The following HIVEP3 variants were observed in gnomAD, a reference collection of about 807,000 sequenced individuals.
HIVEP3 encodes transcription factor HIVEP3.
In HIVEP3, 49 loss-of-function variants were observed where a neutral mutation model predicts 152.8. That is an observed-to-expected ratio of 0.32 (90% CI 0.26 to 0.41). The LOEUF is 0.41. HIVEP3 is among the 10% of genes least tolerant of loss of function. The pLI is 1.00. For missense variants in HIVEP3, 2,790 were observed against 3,103.3 expected (o/e 0.90, Z 2.40); for synonymous variants, 1,269 against 1,289.0 (o/e 0.98, Z 0.33).
intron 1 of HIVEP3, among the ~76,000 whole-genome samples, chr1:41,949,626 T>G (rs973851003): frequency 2.0e-5 from 3 of 152,090 alleles, no homozygotes; most frequent in African/African-American, 7.2e-5. Flanking sequence ...CCCTGGGGCC[T>G]CCTCAGCCAA....
Position 41,565,293 on chromosome 1 carries a change from G to A in HIVEP3, c.5207+10251C>T, listed in dbSNP as rs1644143227. 2.0e-5 allele frequency among the ~76,000 whole-genome samples: 3 copies of A among 151,936 alleles called. No individual in the cohort carries two copies. In the South Asian group the frequency reaches 6.2e-4, roughly 32 times the overall value. On this transcript the variant is annotated intron_variant, in intron 5 of 8. Transcript: ENST00000372583. Reference sequence around the variant, plus strand: ...CTGCAGATAATGCTGAAGCTGAGAAGCCAAGTCATGGGCAACCCAAGCACA... The same window carrying A: ...CTGCAGATAATGCTGAAGCTGAGAAACCAAGTCATGGGCAACCCAAGCACA...
At chr1:41,996,397 A>AAG (rs1288415774) in intron 1 of HIVEP3, among the ~76,000 whole-genome samples, 1 of 151,576 alleles carries the variant, frequency 6.6e-6, no homozygotes, top group African/African-American at 2.4e-5. Flanking sequence ...CTCAAAAAAA[A>AAG]AAAAAGAGAG....
At chr1:41,592,917 C>T (rs1357680556) in intron 3 of HIVEP3, among the ~76,000 whole-genome samples, 1 of 152,206 alleles carries the variant, frequency 6.6e-6, no homozygotes. Context: ...CGGCTTCTGC[C>T]AGTCTAGGCC....
intron 3 of HIVEP3, among the ~76,000 whole-genome samples, chr1:41,590,878 C>G (rs1558096835): frequency 6.6e-6 from 1 of 152,150 alleles, no homozygotes; most frequent in African/African-American, 2.4e-5. Context: ...AGCTTTGAGA[C>G]TCAGGCAGCC....
intron 2 of HIVEP3, among the ~76,000 whole-genome samples, chr1:41,636,561 A>G (rs1341353520): frequency 6.6e-6 from 1 of 152,258 alleles, no homozygotes; most frequent in Admixed American, 6.5e-5. Context: ...TTTGCAACAT[A>G]TATGAAAAAG....
chr1:41,691,014 G>C (rs969037074), intron 2 of HIVEP3, among the ~76,000 whole-genome samples: 1 of 152,216 alleles, frequency 6.6e-6, no homozygotes, highest in Non-Finnish European at 1.5e-5. Flanking sequence ...CTGTGACCTT[G>C]GGCAAGTTAT....
intron 1 of HIVEP3, among the ~76,000 whole-genome samples, chr1:41,833,329 G>A (rs750464712): frequency 2.6e-5 from 4 of 152,206 alleles, no homozygotes; most frequent in Non-Finnish European, 5.9e-5. Flanking sequence ...GTCATGGAGT[G>A]CAGCTTCCCA....
At chr1:41,996,224 T>C (rs1183848385) in intron 1 of HIVEP3, among the ~76,000 whole-genome samples, 1 of 150,920 alleles carries the variant, frequency 6.6e-6, no homozygotes, top group Non-Finnish European at 1.5e-5. Context: ...AAGACGTTAT[T>C]TCTATTAAAA....
chr1:41,744,233 G>T lies in HIVEP3; in HGVS notation c.-800-43238C>A, dbSNP rs1051857958. ...TTTTTGTATTTTTAGTAGAGATGGG[G>T]TTTCACCATGTTAGCCAGGATGGTC... On this transcript the variant is annotated intron_variant, in intron 1 of 8. Coordinates refer to ENST00000372583, the MANE Select transcript of HIVEP3 (RefSeq NM_024503.5). Among the ~76,000 whole-genome samples the T allele has an allele frequency of 3.3e-5, 5 of 152,254 alleles. No homozygotes were observed. In the East Asian group the frequency reaches 9.7e-4, roughly 29 times the overall value.
chr1:41,523,752 C>T (rs1642825662), intron 6 of HIVEP3, among the ~76,000 whole-genome samples: 1 of 152,156 alleles, frequency 6.6e-6, no homozygotes, highest in African/African-American at 2.4e-5. Flanking sequence ...GAGTTTCACC[C>T]CCTGAGAAAC....
chr1:41,872,382 G>A (rs991400288), intron 1 of HIVEP3, among the ~76,000 whole-genome samples: 1 of 152,118 alleles, frequency 6.6e-6, no homozygotes, highest in Non-Finnish European at 1.5e-5. Flanking sequence ...ATGGCCACAG[G>A]GATTGGCCAA....
chr1:41,713,693 A>G (rs534060785), intron 1 of HIVEP3, among the ~76,000 whole-genome samples: 11 of 152,258 alleles, frequency 7.2e-5, no homozygotes, highest in African/African-American at 2.4e-4. Context: ...TTCGGCCTCT[A>G]CTTGAACTCT....
At chr1:41,798,254 A>G (rs1332001164) in intron 1 of HIVEP3, among the ~76,000 whole-genome samples, 2 of 151,812 alleles carry the variant, frequency 1.3e-5, no homozygotes, top group Non-Finnish European at 2.9e-5. Flanking sequence ...AAACCTGCAC[A>G]TTGTGCACAT....
intron 2 of HIVEP3, among the ~76,000 whole-genome samples, chr1:41,645,889 T>C (rs1309953540): frequency 6.6e-6 from 1 of 152,204 alleles, no homozygotes; most frequent in Non-Finnish European, 1.5e-5. Context: ...TCTAGGTCTG[T>C]TCCCTCATCT....
intron 1 of HIVEP3, among the ~76,000 whole-genome samples, chr1:41,853,434 A>G (rs1462556792): frequency 6.6e-6 from 1 of 152,234 alleles, no homozygotes; most frequent in Non-Finnish European, 1.5e-5. Context: ...AGGAAGGAGA[A>G]TGAAAGCAGG....
At chr1:41,636,318 T>C (rs1645272798) in intron 2 of HIVEP3, among the ~76,000 whole-genome samples, 1 of 152,208 alleles carries the variant, frequency 6.6e-6, no homozygotes, top group Non-Finnish European at 1.5e-5. Context: ...GAAATGTATA[T>C]GGATTAGAGA....
intron 1 of HIVEP3, among the ~76,000 whole-genome samples, chr1:41,713,168 C>T (rs1294469636): frequency 1.3e-5 from 2 of 152,200 alleles, no homozygotes; most frequent in South Asian, 4.1e-4. Flanking sequence ...GGCACGGACA[C>T]CTTCCCCTCT....
At chr1:41,572,661 C>T (rs1300478838) in intron 5 of HIVEP3, among the ~76,000 whole-genome samples, 1 of 152,202 alleles carries the variant, frequency 6.6e-6, no homozygotes, top group African/African-American at 2.4e-5. Flanking sequence ...TTAAGTAGAT[C>T]CTCCTCCCTG....
At chr1:41,679,684 G>T (rs1486048271) in intron 2 of HIVEP3, among the ~76,000 whole-genome samples, 1 of 152,222 alleles carries the variant, frequency 6.6e-6, no homozygotes, top group Non-Finnish European at 1.5e-5. Flanking sequence ...CTTGGCTCCA[G>T]ACTCTCAGCT....
Sources: gnomAD v4.1 joint callset for allele counts (sites outside exome capture counted in the v4.1 genomes callset) on GRCh38, gnomAD v4.1.1 for gene constraint, MANE v1.5 for transcripts, NCBI Gene and HGNC (gene_info 2026-07-23, HGNC 2026-07-21) for gene names.